Variants in VWF observed in about 807,000 individuals in gnomAD.
VWF encodes Factor VIII related antigen.
In VWF, 176 loss-of-function variants were observed where a neutral mutation model predicts 308.6. The ratio of observed to expected loss-of-function variants is 0.57; its 90% CI spans 0.50 to 0.65. VWF has a LOEUF of 0.65. VWF is among the 30% of genes least tolerant of loss of function. The pLI is 0.00. For missense variants in VWF, 3,146 were observed against 3,648.2 expected (o/e 0.86, Z 3.55); for synonymous variants, 1,385 against 1,443.4 (o/e 0.96, Z 0.92).
chr12:6,063,860 C>A lies in VWF; in HGVS notation c.1432+386G>T, dbSNP rs1449173396. Among the ~76,000 whole-genome samples the A allele has an allele frequency of 1.1e-4, 17 of 152,120 alleles. No homozygotes were observed. On this transcript the variant is annotated intron_variant, in intron 12 of 51. Coordinates refer to ENST00000261405, the MANE Select transcript of VWF (RefSeq NM_000552.5). This position sits in a 1 kb window ranked among gnomAD's most constrained non-coding sequence, Gnocchi z 4.9. ...GCATCCTCTGGTGTGACATCACCAGCCACCCCCGATCTCTCAGCATCAGCC... is the reference window on the plus strand; with the variant it reads ...GCATCCTCTGGTGTGACATCACCAGACACCCCCGATCTCTCAGCATCAGCC...
intron 39 of VWF, 120 bp from the exon 40 acceptor site, chr12:5,985,239 G>T: frequency 1.9e-6 from 2 of 1,055,284 alleles, no homozygotes; most frequent in Non-Finnish European, 2.9e-6. Context: ...ATCCCACAAG[G>T]ATCCAGGCCA....
Position 6,071,199 on chromosome 12 carries a change from C to T in VWF, c.1156+98G>A, listed in dbSNP as rs536722334. 566 of 1,460,576 alleles carry T rather than the reference C, an allele frequency of 3.9e-4. 1 individual carries two copies. In the African/African-American group the frequency reaches 6.5e-3, roughly 17 times the overall value. The allele number at this position is 1,460,576 out of a possible 1,614,324, so 90.5% of individuals were successfully genotyped here. On this transcript the variant is annotated intron_variant, in intron 10 of 51. Transcript: ENST00000261405. ...AACCTGTGCAGAGAGGGCAACTTCT[C>T]GCTGCCTTGAGTTGTGGCCCTCCCT...
intron 3 of VWF, among the ~76,000 whole-genome samples, chr12:6,115,737 C>T (rs909552472): frequency 2.0e-5 from 3 of 152,172 alleles, no homozygotes; most frequent in Non-Finnish European, 4.4e-5. Context: ...CCAGACACTT[C>T]CCTGTGCATG....
At chr12:6,064,811 C>T (rs533315417) in intron 11 of VWF, among the ~76,000 whole-genome samples, 7 of 152,192 alleles carry the variant, frequency 4.6e-5, no homozygotes, top group Non-Finnish European at 1.0e-4. Context: ...TTTGCCCCCA[C>T]CCCAGCCATC....
intron 31 of VWF, among the ~76,000 whole-genome samples, chr12:6,015,352 G>A (rs1288989675): frequency 6.6e-6 from 1 of 152,080 alleles, no homozygotes; most frequent in Non-Finnish European, 1.5e-5. Flanking sequence ...CATAGAGAAC[G>A]GAGCAAATAA....
intron 34 of VWF, among the ~76,000 whole-genome samples, chr12:6,005,699 A>G (rs932866585): frequency 6.6e-6 from 1 of 152,240 alleles, no homozygotes; most frequent in African/African-American, 2.4e-5. Flanking sequence ...CTTGCAGGCC[A>G]GAAGGGAGAT....
intron 18 of VWF, among the ~76,000 whole-genome samples, chr12:6,038,962 G>A (rs1015806886): frequency 3.3e-5 from 5 of 152,170 alleles, no homozygotes; most frequent in South Asian, 2.1e-4. Context: ...TCAGGGAGGT[G>A]GAAATTCATG....
chr12:6,025,504 A>C (rs927737033), intron 24 of VWF, 76 bp downstream of exon 24: 105 of 1,181,186 alleles, frequency 8.9e-5, no homozygotes, highest in Non-Finnish European at 4.1e-5. Flanking sequence ...TCCACGTTAG[A>C]AGGTCACACT....
intron 6 of VWF, among the ~76,000 whole-genome samples, chr12:6,092,625 G>T (rs1203498125): frequency 2.8e-5 from 3 of 108,652 alleles, no homozygotes; most frequent in Non-Finnish European, 4.0e-5. Context: ...GAGAGTGTGT[G>T]TGTGTGTGTG....
In VWF at chr12:6,122,295, T is replaced by C. The variant is rs77926893; in HGVS notation, c.55+847A>G. Among the ~76,000 whole-genome samples, 436 of 152,356 alleles carry C rather than the reference T, an allele frequency of 2.9e-3. 5 individuals carry two copies. The highest frequency in any genetic ancestry group is 9.3e-3 in the African/African-American group (385 of 41,568). On this transcript the variant is annotated intron_variant, in intron 2 of 51. Transcript: ENST00000261405. ...TATAGATAGATTGCAGTGAGCATCT[T>C]TGTACATAAATCTACTAGCATGTCT...
intron 3 of VWF, among the ~76,000 whole-genome samples, chr12:6,111,933 G>A (rs1404877917): frequency 6.6e-6 from 1 of 151,334 alleles, no homozygotes; most frequent in African/African-American, 2.5e-5. Flanking sequence ...ACTCCAGCCT[G>A]GGTGACAGAG....
At chr12:6,101,319 A>G (rs59989335) in intron 5 of VWF, among the ~76,000 whole-genome samples, 2 of 152,068 alleles carry the variant, frequency 1.3e-5, no homozygotes, top group African/African-American at 4.8e-5. Context: ...CCAATGTGAT[A>G]TCAGTGAATG....
chr12:6,030,516 G>A (rs1330913027), intron 21 of VWF, among the ~76,000 whole-genome samples: 1 of 152,164 alleles, frequency 6.6e-6, no homozygotes, highest in Non-Finnish European at 1.5e-5. Flanking sequence ...ACTCCACATA[G>A]TCAAAGCAGC....
chr12:5,966,276 TACACACACACAC>T (rs10657127), intron 47 of VWF, among the ~76,000 whole-genome samples: 3 of 151,026 alleles, frequency 2.0e-5, no homozygotes, highest in Non-Finnish European at 4.4e-5. Flanking sequence ...TGTTACACAA[TACACACACACAC>T]ACGCACACAC....
intron 34 of VWF, among the ~76,000 whole-genome samples, chr12:6,002,270 T>G (rs60430553): frequency 0.082 from 12,416 of 151,610 alleles, 1,159 homozygotes; most frequent in East Asian, 0.39. Context: ...ATAAAAACAG[T>G]AAACATAATA....
intron 22 of VWF, 120 bp from the exon 23 acceptor site, chr12:6,026,166 G>A (rs1944189920): frequency 6.9e-6 from 10 of 1,452,914 alleles, no homozygotes; most frequent in South Asian, 1.2e-5. Flanking sequence ...AAGAGGAGGA[G>A]GAGCGGGACA....
Position 6,023,686 on chromosome 12 carries a change from G to T in VWF, c.3324C>A (p.Ala1108=). The T allele has an allele frequency of 1.2e-6, 2 of 1,613,896 alleles. No individual in the cohort carries two copies. Among genetic ancestry groups the T allele is most frequent in the East Asian group, 2.2e-5 (1 of 44,886 alleles). The change falls in exon 25 of 52, where the codon GCC becomes GCA. Residue 1108 remains alanine (A), a synonymous_variant. Transcript: ENST00000261405. ...CCTTGCCATGCTGGGCACACACGTG[G>T]GCATAGGCAGCAATGGTGTCGCAGA... ...ACFCDTIAAY[A]HVCAQHGKVV... is the part of the protein sequence containing the mutation.
At position 6,029,394 on chromosome 12, in the gene VWF, A is replaced by G; in HGVS notation, c.2915T>C (p.Val972Ala). The G allele has an allele frequency of 1.2e-6, 2 of 1,614,150 alleles. No individual in the cohort carries two copies. Among genetic ancestry groups the G allele is most frequent in the Non-Finnish European group, 1.7e-6 (2 of 1,180,020 alleles). Residue 972 changes from valine to alanine, a missense_variant, in exon 22 of 52, where the codon GTG becomes GCG. Val to Ala is a moderately conservative substitution (Grantham distance 64). Around this residue, in one of 3 missense-constraint regions of VWF, gnomAD observed 1,304 missense variants for 1,353.0 expected, o/e 0.96. Transcript: ENST00000261405. ...GATGCTCAGGTGGCGGTCCCAGACC[A>G]CGGAGAGGGCTTTGCCCAGCAGCAG... The part of the protein sequence containing the change: ...IILLLGKALS[V>A]VWDRHLSISV...
chr12:6,065,310 T>C, intron 10 of VWF, 37 bp from the exon 11 acceptor site: 1 of 1,613,028 alleles, frequency 6.2e-7, no homozygotes, highest in South Asian at 1.1e-5. Context: ...GAATGGGAGG[T>C]GAGGGCACTT....
Sources: allele counts gnomAD v4.1 joint callset (sites outside exome capture counted in the v4.1 genomes callset), GRCh38; gene constraint gnomAD v4.1.1; regional missense constraint gnomAD v4.1.1; non-coding constraint Gnocchi (gnomAD v3.1); transcripts MANE v1.5; gene names NCBI Gene and HGNC (gene_info 2026-07-23, HGNC 2026-07-21).